The following DTNBP1 variants were observed in gnomAD, a reference collection of about 807,000 sequenced individuals.
DTNBP1 encodes dysbindin.
Under a neutral mutation model 42.8 loss-of-function variants are expected in DTNBP1, and 35 were observed. That is an observed-to-expected ratio of 0.82 (90% CI 0.63 to 1.09). The LOEUF (loss-of-function observed/expected upper bound fraction) is 1.09. DTNBP1 is among the 50% of genes least tolerant of loss of function. The pLI, the probability that DTNBP1 is intolerant of heterozygous loss-of-function variation, is 0.00. For synonymous variants in DTNBP1, 171 were observed against 162.2 expected (o/e 1.05, Z -0.41); for missense variants, 457 against 424.2 (o/e 1.08, Z -0.68).
intron 7 of DTNBP1, among the ~76,000 whole-genome samples, chr6:15,560,557 A>AT (rs1774788403): frequency 6.6e-6 from 1 of 152,190 alleles, no homozygotes; most frequent in South Asian, 2.1e-4. Context: ...GAAACTGGTT[A>AT]TTTTACCAAG....
intron 7 of DTNBP1, among the ~76,000 whole-genome samples, chr6:15,540,702 C>T (rs547979844): frequency 2.6e-5 from 4 of 152,218 alleles, no homozygotes; most frequent in South Asian, 2.1e-4. Context: ...AGTGCAGTGG[C>T]GCGATCTCGG....
At chr6:15,638,478 G>A (rs1040403925) in intron 3 of DTNBP1, among the ~76,000 whole-genome samples, 8 of 152,126 alleles carry the variant, frequency 5.3e-5, no homozygotes, top group Non-Finnish European at 1.2e-4. Flanking sequence ...AAACACAATA[G>A]TAATAATTGT....
chr6:15,660,362 T>G, intron 1 of DTNBP1: 9 of 1,289,706 alleles, frequency 7.0e-6, no homozygotes, highest in Non-Finnish European at 9.1e-6. Flanking sequence ...CCGAACAGCT[T>G]AAATGTAGGA....
rs375738317 is a variant in DTNBP1 at position 15,524,685 on chromosome 6, C to A, written c.668-16G>T. 7 of 1,611,524 alleles carry A rather than the reference C, an allele frequency of 4.3e-6. No homozygotes were observed. In the Admixed American group the frequency reaches 1.2e-4, roughly 27 times the overall value. ...CCTATGGGCTCTGCGGATAGATCAA[C>A]ACGAGAAAGGACACGCTGTCTTTAA... On this transcript the variant is annotated splice_polypyrimidine_tract_variant and intron_variant, in intron 8 of 9. Transcript: ENST00000344537.
intron 7 of DTNBP1, among the ~76,000 whole-genome samples, chr6:15,567,610 C>T (rs1280022353): frequency 1.3e-5 from 2 of 152,202 alleles, no homozygotes; most frequent in East Asian, 1.9e-4. Context: ...TAAGCCCCCT[C>T]GCTTCACATT....
chr6:15,585,914 T>C, intron 7 of DTNBP1: 1 of 1,408,348 alleles, frequency 7.1e-7, no homozygotes, highest in Non-Finnish European at 9.2e-7. Flanking sequence ...GAAATTGTAG[T>C]AAGCCTATTA....
intron 7 of DTNBP1, among the ~76,000 whole-genome samples, chr6:15,544,132 ATTATG>A (rs1434327948): frequency 6.6e-6 from 1 of 152,134 alleles, no homozygotes; most frequent in Non-Finnish European, 1.5e-5. Flanking sequence ...CAAATCTATA[ATTATG>A]TTATTTCATA....
At chr6:15,595,094 C>A (rs1392151975) in intron 6 of DTNBP1, 1 of 456,146 alleles carries the variant, frequency 2.2e-6, no homozygotes, top group Admixed American at 2.4e-5. Context: ...CTCTGTCACA[C>A]AGCGTCATGA....
chr6:15,580,726 G>A (rs990582393), intron 7 of DTNBP1, among the ~76,000 whole-genome samples: 1 of 152,100 alleles, frequency 6.6e-6, no homozygotes, highest in Non-Finnish European at 1.5e-5. Context: ...TGTCTTCAAT[G>A]GGGATGCATT....
intron 7 of DTNBP1, among the ~76,000 whole-genome samples, chr6:15,553,934 TCCTGAAGCAGGA>T (rs1774364607): frequency 6.6e-6 from 1 of 152,076 alleles, no homozygotes; most frequent in Non-Finnish European, 1.5e-5. Flanking sequence ...TCTCATTTTC[TCCTGAAGCAGGA>T]CACAAGATCC....
intron 5 of DTNBP1, among the ~76,000 whole-genome samples, chr6:15,615,777 C>T (rs1444578792): frequency 6.6e-6 from 1 of 152,242 alleles, no homozygotes; most frequent in Admixed American, 6.5e-5. Context: ...ATTATACCTA[C>T]CTTAACCTAA....
chr6:15,657,138 A>G (rs1194477362), intron 1 of DTNBP1, among the ~76,000 whole-genome samples: 1 of 152,198 alleles, frequency 6.6e-6, no homozygotes, highest in East Asian at 1.9e-4. Context: ...CAGGAAAGAA[A>G]GATGAATTTA....
intron 4 of DTNBP1, among the ~76,000 whole-genome samples, chr6:15,633,708 C>T (rs1939527597): frequency 6.6e-6 from 1 of 152,014 alleles, no homozygotes; most frequent in African/African-American, 2.4e-5. Context: ...ATGCAGCAAA[C>T]TTCATCGCTG....
intron 7 of DTNBP1, among the ~76,000 whole-genome samples, chr6:15,560,303 C>CAA (rs551642924): frequency 1.5e-5 from 2 of 133,822 alleles, no homozygotes; most frequent in African/African-American, 5.5e-5. Flanking sequence ...GAGACTGTCT[C>CAA]AAAAAAAAAA....
intron 7 of DTNBP1, among the ~76,000 whole-genome samples, chr6:15,591,341 C>A (rs1456709161): frequency 6.6e-6 from 1 of 152,068 alleles, no homozygotes; most frequent in Non-Finnish European, 1.5e-5. Context: ...CTCAGGTGAT[C>A]CCCCTCGGCC....
intron 9 of DTNBP1, chr6:15,523,462 C>G: frequency 1.5e-6 from 2 of 1,297,478 alleles, no homozygotes; most frequent in Non-Finnish European, 1.0e-6. Flanking sequence ...TGACACAGAT[C>G]AAGTGCTCCT....
intron 7 of DTNBP1, among the ~76,000 whole-genome samples, chr6:15,581,232 G>GCCTA (rs1487146005): frequency 6.6e-6 from 1 of 151,970 alleles, no homozygotes; most frequent in Non-Finnish European, 1.5e-5. Flanking sequence ...TAGGCTGGAG[G>GCCTA]GCAGTGGCTC....
chr6:15,638,563 C>T (rs1760155260), intron 3 of DTNBP1, among the ~76,000 whole-genome samples: 1 of 152,186 alleles, frequency 6.6e-6, no homozygotes, highest in South Asian at 2.1e-4. Context: ...TACACAGCCT[C>T]AAAGTATCTG....
At chr6:15,651,241 C>A in intron 3 of DTNBP1, 72 bp downstream of exon 3, 1 of 1,417,018 alleles carries the variant, frequency 7.1e-7, no homozygotes, top group Non-Finnish European at 9.9e-7. Context: ...TTTTAACCTA[C>A]AAAATTAAAA....
Sources: gnomAD v4.1 joint callset for allele counts (sites outside exome capture counted in the v4.1 genomes callset) on GRCh38, gnomAD v4.1.1 for gene constraint, MANE v1.5 for transcripts, NCBI Gene and HGNC (gene_info 2026-07-23, HGNC 2026-07-21) for gene names.